CAMK1D: variants seen among roughly 807,000 people sequenced by gnomAD.
CAMK1D encodes calcium/calmodulin-dependent protein kinase type 1D.
In CAMK1D, 9 loss-of-function variants were observed where a neutral mutation model predicts 47.7. That is an observed-to-expected ratio of 0.19 (90% CI 0.11 to 0.33). CAMK1D has a LOEUF of 0.33. Ranked by LOEUF, CAMK1D falls within the 10% of genes least tolerant of loss-of-function variation. The pLI is 1.00. For synonymous variants in CAMK1D, 184 were observed against 184.9 expected (o/e 0.99, Z 0.04); for missense variants, 291 against 488.7 (o/e 0.60, Z 3.81).
At chr10:12,430,183 G>T (rs116080611) in intron 1 of CAMK1D, among the ~76,000 whole-genome samples, 1 of 152,102 alleles carries the variant, frequency 6.6e-6, no homozygotes, top group African/African-American at 2.4e-5. Flanking sequence ...AATCCTGCTC[G>T]TTTGGGATTT....
At chr10:12,588,186 G>A (rs1393773648) in intron 2 of CAMK1D, among the ~76,000 whole-genome samples, 1 of 152,096 alleles carries the variant, frequency 6.6e-6, no homozygotes, top group Non-Finnish European at 1.5e-5. Context: ...CCCATAAATG[G>A]GTGACAGTCT....
chr10:12,590,986 G>A (rs1837977846), intron 2 of CAMK1D, among the ~76,000 whole-genome samples: 2 of 152,172 alleles, frequency 1.3e-5, no homozygotes, highest in South Asian at 2.1e-4. Flanking sequence ...TTATGCCTCC[G>A]ATTTTCCTTG....
At chr10:12,806,001 C>T (rs959845708) in intron 6 of CAMK1D, among the ~76,000 whole-genome samples, 2 of 152,198 alleles carry the variant, frequency 1.3e-5, no homozygotes, top group African/African-American at 4.8e-5. Context: ...TGGGGGCCTG[C>T]CCTGGCCGGG....
chr10:12,351,040 C>T (rs1350124908), intron 1 of CAMK1D, among the ~76,000 whole-genome samples: 2 of 151,880 alleles, frequency 1.3e-5, no homozygotes, highest in African/African-American at 4.8e-5. Flanking sequence ...TTCTTTTTTC[C>T]AGCACCACAT....
chr10:12,647,145 CTTTTTTTT>C (rs397693477), intron 2 of CAMK1D, among the ~76,000 whole-genome samples: 1 of 76,780 alleles, frequency 1.3e-5, no homozygotes, highest in African/African-American at 4.5e-5. Flanking sequence ...CCAGGCTAGC[CTTTTTTTT>C]TTTTTTTTTT....
chr10:12,772,621 A>T (rs1046119481), intron 5 of CAMK1D, among the ~76,000 whole-genome samples: 2 of 152,064 alleles, frequency 1.3e-5, no homozygotes, highest in Non-Finnish European at 2.9e-5. Flanking sequence ...GAGTCTGTTG[A>T]TTGCTGTGTC....
At chr10:12,514,290 T>G (rs917491976) in intron 1 of CAMK1D, among the ~76,000 whole-genome samples, 1 of 152,236 alleles carries the variant, frequency 6.6e-6, no homozygotes, top group Non-Finnish European at 1.5e-5. Context: ...GCTTATAATA[T>G]CACACTACTT....
chr10:12,400,018 G>A (rs1349054632), intron 1 of CAMK1D, among the ~76,000 whole-genome samples: 1 of 152,164 alleles, frequency 6.6e-6, no homozygotes, highest in African/African-American at 2.4e-5. Context: ...TCCCCTAGGA[G>A]CAATGGTTCA....
intron 1 of CAMK1D, among the ~76,000 whole-genome samples, chr10:12,472,784 A>C (rs552747568): frequency 1.6e-4 from 24 of 152,182 alleles, no homozygotes; most frequent in African/African-American, 5.3e-4. Flanking sequence ...GGCCTCCCAA[A>C]GTGCTGGGAT....
At chr10:12,373,371 C>T (rs966696385) in intron 1 of CAMK1D, among the ~76,000 whole-genome samples, 2 of 151,922 alleles carry the variant, frequency 1.3e-5, no homozygotes, top group African/African-American at 4.8e-5. Flanking sequence ...GTGGTGCACG[C>T]CTGTAATCCC....
intron 1 of CAMK1D, among the ~76,000 whole-genome samples, chr10:12,552,021 T>G (rs1160142296): frequency 6.6e-6 from 1 of 152,310 alleles, no homozygotes; most frequent in Admixed American, 6.5e-5. Flanking sequence ...TACTTCCCTG[T>G]GCACAGAGCC....
chr10:12,796,235 CGT>C (rs1233111065), intron 6 of CAMK1D, among the ~76,000 whole-genome samples: 6 of 152,120 alleles, frequency 3.9e-5, no homozygotes, highest in African/African-American at 1.2e-4. Flanking sequence ...GGAACAGGCA[CGT>C]CAGAGGCACA....
At chr10:12,553,576 G>A (rs183943141) in intron 2 of CAMK1D, among the ~76,000 whole-genome samples, 163 of 152,348 alleles carry the variant, frequency 1.1e-3, no homozygotes, top group Non-Finnish European at 2.0e-3. Flanking sequence ...ATTACAAAGA[G>A]CACAGCTGTC....
intron 5 of CAMK1D, among the ~76,000 whole-genome samples, chr10:12,781,423 C>T (rs1837486343): frequency 6.6e-6 from 1 of 152,222 alleles, no homozygotes; most frequent in Admixed American, 6.5e-5. Flanking sequence ...CGCGGAGTTC[C>T]AAGGCCCTCC....
chr10:12,409,153 G>A (rs1452544154), intron 1 of CAMK1D, among the ~76,000 whole-genome samples: 3 of 152,020 alleles, frequency 2.0e-5, no homozygotes, highest in African/African-American at 4.8e-5. Context: ...CACTGCACCC[G>A]GTTTTTGTCC....
chr10:12,617,044 T>C (rs1294074038), intron 2 of CAMK1D, among the ~76,000 whole-genome samples: 1 of 152,148 alleles, frequency 6.6e-6, no homozygotes, highest in Admixed American at 6.5e-5. Context: ...TAAGGCATGT[T>C]CTAATCAACT....
rs1833383916 is a variant in CAMK1D at position 12,829,652 on chromosome 10, G to A, written c.*765G>A. 6.6e-6 allele frequency: 1 copy of A among 151,172 alleles called. No individual in the cohort carries two copies. Among genetic ancestry groups the A allele is most frequent in the Non-Finnish European group, 1.5e-5 (1 of 68,062 alleles). 9.4% of individuals were successfully genotyped at this position (151,172 alleles called of 1,614,324 possible). On this transcript the variant is annotated 3_prime_UTR_variant, in exon 11 of 11. Transcript: ENST00000619168. ...GGAGGCTGAGGCAGGAGAATTGCTT[G>A]AACCCGGGAGACGGAGGTTGCAGTG...
chr10:12,729,921 A>G (rs1483879945), intron 3 of CAMK1D, among the ~76,000 whole-genome samples: 1 of 139,430 alleles, frequency 7.2e-6, no homozygotes, highest in Non-Finnish European at 1.6e-5. Context: ...GAGATGTAAC[A>G]GGAGGCCTCG....
chr10:12,394,792 G>A (rs1016965859), intron 1 of CAMK1D, among the ~76,000 whole-genome samples: 17 of 152,234 alleles, frequency 1.1e-4, no homozygotes, highest in African/African-American at 4.1e-4. Context: ...GTGTTAGCTC[G>A]TGACACATCC....
Sources: allele counts gnomAD v4.1 joint callset (sites outside exome capture counted in the v4.1 genomes callset), GRCh38; gene constraint gnomAD v4.1.1; transcripts MANE v1.5; gene names NCBI Gene and HGNC (gene_info 2026-07-23, HGNC 2026-07-21).